The following SH3RF2 variants were observed in gnomAD, a reference collection of about 807,000 sequenced individuals.
SH3RF2 encodes the protein E3 ubiquitin-protein ligase SH3RF2.
SH3RF2 carries 43 observed loss-of-function variants against 59.0 expected under a neutral mutation model. The ratio of observed to expected loss-of-function variants is 0.73; its 90% CI spans 0.57 to 0.94. The LOEUF (loss-of-function observed/expected upper bound fraction) is 0.94, where lower values mean the gene tolerates loss of function less well. Among genes scored for constraint, SH3RF2 ranks in the 40% least tolerant of loss-of-function variants. The pLI is 0.00. For missense variants in SH3RF2, 930 were observed against 940.1 expected, an observed-to-expected ratio of 0.99 and a Z score of 0.14; for synonymous variants, 391 against 391.5, an observed-to-expected ratio of 1.00 and a Z score of 0.01.
In SH3RF2 at chr5:145,986,686, T is replaced by G. The variant is rs535903832; in HGVS notation, c.379-13372T>G. ...CATTTCAAAAACAATCCCAAGCTAT[T>G]TATTGAGAACCAGCTTATGTTTGGA... is the stretch of plus-strand genomic sequence containing the variant. On this transcript the variant is annotated intron_variant, in intron 2 of 9. Transcript: ENST00000359120. Among the ~76,000 whole-genome samples the G allele has an allele frequency of 4.2e-4, 64 of 152,246 alleles. 1 individual carries two copies. In the South Asian group the frequency reaches 0.012, roughly 28 times the overall value.
intron 2 of SH3RF2, among the ~76,000 whole-genome samples, chr5:145,953,235 A>G (rs1237488690): frequency 1.3e-5 from 2 of 152,182 alleles, no homozygotes; most frequent in Non-Finnish European, 2.9e-5. Context: ...AAAAGGAAAG[A>G]TATTTTATTA....
chr5:145,938,398 T>C, intron 2 of SH3RF2, 92 bp downstream of exon 2: 1 of 1,399,140 alleles, frequency 7.1e-7, no homozygotes, highest in Non-Finnish European at 9.5e-7. Context: ...TTAGTTACAT[T>C]CCAGAGTGCT....
At chr5:146,075,778 T>TAAAAAAAAAA (rs56300547) in intron 9 of SH3RF2, among the ~76,000 whole-genome samples, 9 of 76,974 alleles carry the variant, frequency 1.2e-4, no homozygotes, top group African/African-American at 4.1e-4. Flanking sequence ...AAATTCCATG[T>TAAAAAAAAAA]AAAAAAAAAA....
intron 2 of SH3RF2, among the ~76,000 whole-genome samples, chr5:145,992,617 G>A (rs935754835): frequency 6.6e-6 from 1 of 152,150 alleles, no homozygotes; most frequent in Non-Finnish European, 1.5e-5. Flanking sequence ...GGAGGAGCAT[G>A]TCACATCTTA....
exon 10 of SH3RF2, chr5:146,078,471 G>A (rs892254991): frequency 2.0e-5 from 3 of 152,210 alleles, no homozygotes; most frequent in African/African-American, 7.2e-5. Flanking sequence ...GCCTGCCTTG[G>A]TCATCTTCCC....
intron 3 of SH3RF2, among the ~76,000 whole-genome samples, chr5:146,001,448 A>T (rs1760403187): frequency 6.6e-6 from 1 of 152,224 alleles, no homozygotes; most frequent in African/African-American, 2.4e-5. Context: ...TTTTGAGATA[A>T]TGATCTTTAT....
At chr5:146,040,137 G>A (rs78735393) in intron 5 of SH3RF2, among the ~76,000 whole-genome samples, 2,859 of 152,322 alleles carry the variant, frequency 0.019, 27 homozygotes, top group Non-Finnish European at 0.028. Flanking sequence ...GATAACTTGG[G>A]AGAGAGACTT....
chr5:145,948,270 T>A (rs1758067375), intron 2 of SH3RF2, among the ~76,000 whole-genome samples: 1 of 152,156 alleles, frequency 6.6e-6, no homozygotes, highest in Non-Finnish European at 1.5e-5. Flanking sequence ...ATCCCTCTAG[T>A]TGTGGGAATG....
chr5:145,981,875 A>G (rs1412212612), intron 2 of SH3RF2, among the ~76,000 whole-genome samples: 1 of 152,236 alleles, frequency 6.6e-6, no homozygotes, highest in Non-Finnish European at 1.5e-5. Context: ...ATTGAGCAGC[A>G]GTGCTTCTAG....
At chr5:146,038,366 C>T (rs887313522) in intron 5 of SH3RF2, among the ~76,000 whole-genome samples, 1 of 152,050 alleles carries the variant, frequency 6.6e-6, no homozygotes, top group Non-Finnish European at 1.5e-5. Context: ...AAGGTTAAGT[C>T]TTTGAAAGGA....
At chr5:146,066,139 G>C (rs545040894), downstream of SH3RF2, among the ~76,000 whole-genome samples, 1 of 152,214 alleles carries the variant, frequency 6.6e-6, no homozygotes, top group Non-Finnish European at 1.5e-5. Context: ...GTCTCAAACT[G>C]TCTGACTTCA....
chr5:146,068,145 T>A (rs1763147651), downstream of SH3RF2, among the ~76,000 whole-genome samples: 1 of 152,206 alleles, frequency 6.6e-6, no homozygotes, highest in African/African-American at 2.4e-5. Context: ...TCAGCTAACA[T>A]CTTCAAAGGC....
intron 2 of SH3RF2, among the ~76,000 whole-genome samples, chr5:145,938,967 G>A (rs917442539): frequency 9.2e-5 from 14 of 152,206 alleles, no homozygotes; most frequent in African/African-American, 3.4e-4. Flanking sequence ...ATACAGAGAA[G>A]ATACACAGCA....
intron 2 of SH3RF2, among the ~76,000 whole-genome samples, chr5:145,966,280 G>A (rs764353755): frequency 2.6e-5 from 4 of 152,176 alleles, no homozygotes; most frequent in Non-Finnish European, 5.9e-5. Context: ...ATGGCAAAGA[G>A]GGATGACAGT....
chr5:146,014,912 G>A (rs569549377), intron 5 of SH3RF2, among the ~76,000 whole-genome samples: 3 of 152,266 alleles, frequency 2.0e-5, no homozygotes, highest in East Asian at 3.9e-4. Flanking sequence ...AGGTTGAAGG[G>A]TACTTTAAAA....
At chr5:145,991,977 C>A (rs1431637741) in intron 2 of SH3RF2, among the ~76,000 whole-genome samples, 1 of 152,162 alleles carries the variant, frequency 6.6e-6, no homozygotes, top group Non-Finnish European at 1.5e-5. Flanking sequence ...CTACTTGAAT[C>A]CTACTCCAGG....
intron 5 of SH3RF2, among the ~76,000 whole-genome samples, chr5:146,016,586 A>G (rs181305717): frequency 6.6e-6 from 1 of 152,290 alleles, no homozygotes; most frequent in Non-Finnish European, 1.5e-5. Flanking sequence ...AGGCCCCAAA[A>G]GAAAAATGAT....
intron 2 of SH3RF2, among the ~76,000 whole-genome samples, chr5:145,998,402 A>G (rs1558147): frequency 0.56 from 85,495 of 151,942 alleles, 24,700 homozygotes; most frequent in South Asian, 0.79. Flanking sequence ...AGCTTTCCCT[A>G]ATTAATGTCA....
chr5:146,010,030 C>G (rs907501181), intron 4 of SH3RF2, among the ~76,000 whole-genome samples: 1 of 151,736 alleles, frequency 6.6e-6, no homozygotes, highest in African/African-American at 2.4e-5. Context: ...CCTCCCCACT[C>G]CCCCCACCCC....
Sources: allele counts gnomAD v4.1 joint callset (sites outside exome capture counted in the v4.1 genomes callset), GRCh38; gene constraint gnomAD v4.1.1; transcripts MANE v1.5; gene names NCBI Gene and HGNC (gene_info 2026-07-23, HGNC 2026-07-21).